CNTROB: variants seen among roughly 807,000 people sequenced by gnomAD.
The protein encoded by CNTROB is centrobin, centriole duplication and spindle assembly protein.
A neutral mutation model predicts 115.7 loss-of-function variants in CNTROB; 82 were observed. That is an observed-to-expected ratio of 0.71 (90% confidence interval 0.59 to 0.85). The LOEUF (loss-of-function observed/expected upper bound fraction) is 0.85, where lower values mean the gene tolerates loss of function less well. Ranked by LOEUF, CNTROB falls within the 40% of genes least tolerant of loss-of-function variation. The probability of loss-of-function intolerance (pLI) is 0.00; values close to 1 mark genes in which losing one functional copy is unlikely to be tolerated. For synonymous variants in CNTROB, 439 were observed against 456.4 expected, an observed-to-expected ratio of 0.96 and a Z score of 0.49; for missense variants, 1,014 against 1,144.4, an observed-to-expected ratio of 0.89 and a Z score of 1.64.
rs763332652 is a variant in CNTROB at position 7,947,871 on chromosome 17, T to C, written c.2146-45T>C. The stretch of plus-strand genomic sequence containing the variant: ...CTTCTCTCAGATCCCTGGGCGTTTT[T>C]CTCTATCAGTCCCTAGGGAACTTGA... On this transcript the variant is annotated intron_variant, in intron 14 of 18. Coordinates refer to ENST00000563694, the MANE Select transcript of CNTROB (RefSeq NM_053051.5). 48 of 1,611,102 alleles carry C rather than the reference T, an allele frequency of 3.0e-5. No homozygotes were observed. The South Asian group carries it at 4.9e-4, about 17-fold the overall frequency.
Position 7,936,398 on chromosome 17 carries a change from C to A in CNTROB, c.627C>A (p.Thr209=), listed in dbSNP as rs1369964843. The change falls in exon 5 of 19, where the codon ACC becomes ACA. Residue 209 remains threonine, a synonymous_variant. Coordinates refer to ENST00000563694, the MANE Select transcript of CNTROB (RefSeq NM_053051.5). ...AGCGCCATATTCAGAGCCTGCAGAC[C>A]CGAGTGTTAGAGCTACAGCAACAAT... ...HCERHIQSLQ[T]RVLELQQQLA... is the part of the protein sequence containing the mutation. 2 of 1,548,696 alleles carry A rather than the reference C, an allele frequency of 1.3e-6. No individual in the cohort carries two copies. Among genetic ancestry groups the A allele is most frequent in the Non-Finnish European group, 1.8e-6 (2 of 1,120,452 alleles).
intron 2 of CNTROB, 90 bp from the exon 3 acceptor site, chr17:7,934,375 G>A: frequency 7.4e-7 from 1 of 1,355,106 alleles, no homozygotes; most frequent in Non-Finnish European, 1.1e-6. Flanking sequence ...AGGAGTGAGG[G>A]AACTGGAAAG....
chr17:7,945,748 C>T lies in CNTROB; in HGVS notation c.1755C>T (p.Ser585=). Residue 585 remains serine, a synonymous_variant, in exon 13 of 19, where the codon TCC becomes TCT. Transcript: ENST00000563694. The part of the protein sequence containing the change: ...PNPPAPPAGP[S]SPGPQEPEKE... ...GTCAGGCTCCTCCTGCTGGACCCTC[C>T]AGCCCCGGGCCTCAGGAGCCCGAGA... The T allele has an allele frequency of 1.2e-6, 2 of 1,614,214 alleles. No homozygotes were observed.
In CNTROB at chr17:7,934,180, C is replaced by T; in HGVS notation, c.313C>T (p.Gln105Ter). 6.2e-7 allele frequency: 1 copy of T among 1,614,174 alleles called. No homozygotes were observed. The highest frequency in any genetic ancestry group is 8.5e-7 in the Non-Finnish European group (1 of 1,180,028). The change falls in exon 2 of 19, where the codon CAG becomes TAG. Residue 105 changes from glutamine (Q) to a stop codon, truncating the protein, a stop_gained. Transcript: ENST00000563694. LOFTEE classifies it high-confidence loss of function. ...HIFEMESVRG[Q>*]LQTMLQTSRD... The stretch of plus-strand genomic sequence containing the variant: ...CTTTGAGATGGAAAGTGTTCGGGGT[C>T]AGCTCCAGACCATGCTCCAAACCTC...
Position 7,933,124 on chromosome 17 carries a change from G to A in CNTROB, c.45G>A (p.Glu15=). ...ADSPSSPLGA[E]DLLSDSSEPP... is the part of the protein sequence containing the mutation. ...GCCCCAGTTCACCCCTCGGGGCGGA[G>A]GATCTCCTGAGTGATTCATCAGAAC... The change falls in exon 1 of 19, where the codon GAG becomes GAA. Residue 15 remains glutamate (E), a synonymous_variant. Coordinates refer to ENST00000563694, the MANE Select transcript of CNTROB (RefSeq NM_053051.5). The A allele has an allele frequency of 6.2e-7, 1 of 1,614,162 alleles. No individual in the cohort carries two copies. Among genetic ancestry groups the A allele is most frequent in the South Asian group, 1.1e-5 (1 of 91,070 alleles).
chr17:7,943,273 C>G lies in CNTROB; in HGVS notation c.1312-118C>G. 6.0e-6 allele frequency: 4 copies of G among 665,730 alleles called. No homozygotes were observed. The South Asian group carries it at 1.1e-4, about 18-fold the overall frequency. The allele number at this position is 665,730 out of a possible 1,614,324, so 41.2% of individuals were successfully genotyped here. ...CTCTTTCACTCCTTGAGGCAAAATT[C>G]TTGTTCTTCATCTCATATGAGGGGA... On this transcript the variant is annotated intron_variant, in intron 9 of 18. Coordinates refer to ENST00000563694, the MANE Select transcript of CNTROB (RefSeq NM_053051.5). This position sits in a 1 kb window ranked among gnomAD's most constrained non-coding sequence, Gnocchi z 4.7.
Position 7,944,510 on chromosome 17 carries a change from CAG to C in CNTROB, c.1609_1610del (p.Ser537TrpfsTer26). ...GGAGCAAGCGCGAGTGTGCGAACTG[CAG>C]AGTGGGAACCAGCAGCTGGAGGAGC... Reference protein sequence around the residue: ...AREQARVCELQSGNQQLEEQR... With the variant: ...AREQARVCELXSGNQQLEEQR... On this transcript the variant is annotated frameshift_variant, in exon 12 of 19. Coordinates refer to ENST00000563694, the MANE Select transcript of CNTROB (RefSeq NM_053051.5). LOFTEE classifies it high-confidence loss of function. The surrounding 1 kb of genome is among the most constrained non-coding windows in gnomAD (Gnocchi z 4.0). 1 of 1,614,124 alleles carries C rather than the reference CAG, an allele frequency of 6.2e-7. No individual in the cohort carries two copies. Among genetic ancestry groups the C allele is most frequent in the Middle Eastern group, 1.6e-4 (1 of 6,062 alleles).
At chr17:7,938,981 G>A (rs943804667) in intron 7 of CNTROB, among the ~76,000 whole-genome samples, 1 of 152,168 alleles carries the variant, frequency 6.6e-6, no homozygotes, top group African/African-American at 2.4e-5. Context: ...GTTTCACCAT[G>A]TTGGCCAGGC....
rs774592807 is a variant in CNTROB, at chr17:7,949,384, G to A, written c.2587-1G>A. On this transcript the variant is annotated splice_acceptor_variant, in intron 18 of 18. Transcript: ENST00000563694. LOFTEE classifies it high-confidence loss of function. ...TTCCTCTCTCTTCCCTCAACTCTCAGATTCCCTCCCAGGCTGTCCCTCGCC... is the reference window on the plus strand; with the variant it reads ...TTCCTCTCTCTTCCCTCAACTCTCAAATTCCCTCCCAGGCTGTCCCTCGCC... The A allele has an allele frequency of 3.7e-6, 6 of 1,613,910 alleles. No individual in the cohort carries two copies. The Admixed American group carries it at 1.0e-4, about 27-fold the overall frequency.
rs1374304518 is a variant in CNTROB, at chr17:7,939,599, G to A, written c.1014G>A (p.Arg338=). The A allele has an allele frequency of 1.9e-6, 3 of 1,614,068 alleles. No individual in the cohort carries two copies. The highest frequency in any genetic ancestry group is 2.7e-5 in the African/African-American group (2 of 75,010). Residue 338 remains arginine, a synonymous_variant, in exon 8 of 19, where the codon CGG becomes CGA. Transcript: ENST00000563694. This position sits in a 1 kb window ranked among gnomAD's most constrained non-coding sequence, Gnocchi z 4.4. ...CVLQEERDAA[R]AGQLSEHREL... ...TGCAGGAAGAGCGGGATGCAGCTCG[G>A]GCTGGGCAACTGAGTGAGCATCGAG...
At chr17:7,941,081 C>T (rs1368877724) in intron 9 of CNTROB, among the ~76,000 whole-genome samples, 1 of 152,180 alleles carries the variant, frequency 6.6e-6, no homozygotes, top group African/African-American at 2.4e-5. Context: ...TGTGTTCCAG[C>T]CCATGGGGGA....
intron 9 of CNTROB, among the ~76,000 whole-genome samples, chr17:7,942,824 C>T (rs1391340316): frequency 9.2e-5 from 7 of 76,146 alleles, no homozygotes; most frequent in African/African-American, 2.7e-4. Flanking sequence ...TTTTTTGAGA[C>T]GGAGTCTCGC....
rs996755302 is a variant in CNTROB at position 7,949,882 on chromosome 17, A to G, written c.*372A>G. Reference sequence around the variant, plus strand: ...ATTTTCCAAATTTTCTAAAACAAGTATATGTTACTTTAATAATCAGAACAG... The same window carrying G: ...ATTTTCCAAATTTTCTAAAACAAGTGTATGTTACTTTAATAATCAGAACAG... On this transcript the variant is annotated 3_prime_UTR_variant, in exon 19 of 19. Coordinates refer to ENST00000563694, the MANE Select transcript of CNTROB (RefSeq NM_053051.5). 5.9e-6 allele frequency: 1 copy of G among 169,542 alleles called. No homozygotes were observed. The highest frequency in any genetic ancestry group is 1.2e-5 in the Non-Finnish European group (1 of 80,146). 10.5% of individuals were successfully genotyped at this position (169,542 alleles called of 1,614,324 possible). A position where few individuals can be genotyped will look rare whatever the true frequency, so the allele number is the denominator to read the frequency against.
At position 7,948,264 on chromosome 17, in the gene CNTROB, G is replaced by A. The variant is rs1264308778; in HGVS notation, c.2317G>A (p.Val773Ile). Residue 773 changes from valine to isoleucine, a missense_variant, in exon 16 of 19, where the codon GTC becomes ATC. Coordinates refer to ENST00000563694, the MANE Select transcript of CNTROB (RefSeq NM_053051.5). This position sits in a 1 kb window ranked among gnomAD's most constrained non-coding sequence, Gnocchi z 4.4. ...AGCCATGGCATCCAGTCTTTTCCGG[G>A]TCCCTGAGCCTCCCTCCTCCCATTC... is the stretch of plus-strand genomic sequence containing the variant. ...PLAMASSLFRVPEPPSSHSQG... is the reference protein window; with the variant it reads ...PLAMASSLFRIPEPPSSHSQG... 6.2e-7 allele frequency: 1 copy of A among 1,613,946 alleles called. No homozygotes were observed. The highest frequency in any genetic ancestry group is 1.3e-5 in the African/African-American group (1 of 74,868).
Position 7,936,409 on chromosome 17 carries a change from A to G in CNTROB, c.638A>G (p.Glu213Gly). The G allele has an allele frequency of 6.4e-7, 1 of 1,569,512 alleles. No individual in the cohort carries two copies. The highest frequency in any genetic ancestry group is 8.8e-7 in the Non-Finnish European group (1 of 1,139,308). ...CAGAGCCTGCAGACCCGAGTGTTAG[A>G]GCTACAGCAACAATTAGCCGTGGCT... ...HIQSLQTRVL[E>G]LQQQLAVAVA... is the part of the protein sequence containing the mutation. The change falls in exon 5 of 19, where the codon GAG becomes GGG. Residue 213 changes from glutamate (E) to glycine (G), a missense_variant. Physicochemically the swap from Glu to Gly is moderately conservative, Grantham distance 98. Transcript: ENST00000563694.
At chr17:7,947,770 CCTTTCCT>C (rs1974729066) in intron 14 of CNTROB, 48 bp downstream of exon 14, 1 of 1,600,802 alleles carries the variant, frequency 6.2e-7, no homozygotes, top group Non-Finnish European at 8.5e-7. Flanking sequence ...TTCCCTTTCT[CCTTTCCT>C]CTTTCTGCTC....
chr17:7,943,397 T>A lies in CNTROB; in HGVS notation c.1318T>A (p.Tyr440Asn). 1 of 1,612,674 alleles carries A rather than the reference T, an allele frequency of 6.2e-7. No individual in the cohort carries two copies. The highest frequency in any genetic ancestry group is 2.2e-5 in the East Asian group (1 of 44,840). The change falls in exon 10 of 19, where the codon TAT becomes AAT. Residue 440 changes from tyrosine to asparagine, a missense_variant. Tyr to Asn is a moderately radical substitution (Grantham distance 143, BLOSUM62 -2). Coordinates refer to ENST00000563694, the MANE Select transcript of CNTROB (RefSeq NM_053051.5). This position sits in a 1 kb window ranked among gnomAD's most constrained non-coding sequence, Gnocchi z 4.7. ...QLEMSLVQAR[Y>N]ESQRIQLESE... ...CCACCTTCCTTCACTCCAGGCCCGG[T>A]ATGAAAGCCAGCGGATCCAGCTGGA...
Position 7,933,032 on chromosome 17 carries a change from A to C in CNTROB, c.-48A>C. The C allele has an allele frequency of 6.3e-7, 1 of 1,585,476 alleles. No homozygotes were observed. Among genetic ancestry groups the C allele is most frequent in the Non-Finnish European group, 8.6e-7 (1 of 1,166,780 alleles). On this transcript the variant is annotated 5_prime_UTR_variant, in exon 1 of 19. Transcript: ENST00000563694. Reference sequence around the variant, plus strand: ...TTTTCCTCCTGGACTTTGCTAAAGCAGAACCTCCCAGCTCTTTGCTGTCTC... The same window carrying C: ...TTTTCCTCCTGGACTTTGCTAAAGCCGAACCTCCCAGCTCTTTGCTGTCTC...
chr17:7,936,381 A>G lies in CNTROB; in HGVS notation c.610A>G (p.Ile204Val). 2.7e-6 allele frequency: 4 copies of G among 1,485,516 alleles called. No individual in the cohort carries two copies. The highest frequency in any genetic ancestry group is 3.8e-6 in the Non-Finnish European group (4 of 1,062,778). 92.0% of individuals were successfully genotyped at this position (1,485,516 alleles called of 1,614,324 possible). ...TTTTCCCCAGCATTGTGAGCGCCATATTCAGAGCCTGCAGACCCGAGTGTT... is the reference window on the plus strand; with the variant it reads ...TTTTCCCCAGCATTGTGAGCGCCATGTTCAGAGCCTGCAGACCCGAGTGTT... ...HTRRKHCERHIQSLQTRVLEL... is the reference protein window; with the variant it reads ...HTRRKHCERHVQSLQTRVLEL... Residue 204 changes from isoleucine (I) to valine (V), a missense_variant, in exon 5 of 19, where the codon ATT (isoleucine) becomes GTT (valine). Ile to Val is a conservative substitution (Grantham distance 29, BLOSUM62 3). Transcript: ENST00000563694.
Sources: gnomAD v4.1 joint callset for allele counts (sites outside exome capture counted in the v4.1 genomes callset) on GRCh38, gnomAD v4.1.1 for gene constraint, Gnocchi (gnomAD v3.1) non-coding constraint, MANE v1.5 for transcripts, NCBI Gene and HGNC (gene_info 2026-07-23, HGNC 2026-07-21) for gene names.